Variants in RFX2 observed in about 807,000 individuals in gnomAD.
RFX2 encodes the protein DNA-binding protein RFX2.
Under a neutral mutation model 87.8 loss-of-function variants are expected in RFX2, and 20 were observed. That is an observed-to-expected ratio of 0.23 (90% CI 0.16 to 0.33). RFX2 has a LOEUF of 0.33. Ranked by LOEUF, RFX2 falls within the 10% of genes least tolerant of loss-of-function variation. RFX2 has a pLI of 1.00. For synonymous variants in RFX2, 397 were observed against 431.3 expected, an observed-to-expected ratio of 0.92 and a Z score of 0.98; for missense variants, 767 against 1,012.3, an observed-to-expected ratio of 0.76 and a Z score of 3.29.
chr19:6,107,804 A>T (rs1243317508), intron 1 of RFX2, among the ~76,000 whole-genome samples: 2 of 152,196 alleles, frequency 1.3e-5, no homozygotes, highest in African/African-American at 4.8e-5. Context: ...TGGTGGACAG[A>T]ACCATCCTTA....
chr19:6,064,430 T>C lies in RFX2; in HGVS notation c.-8-16926A>G, dbSNP rs1320314062. On this transcript the variant is annotated intron_variant, in intron 1 of 17. Transcript: ENST00000303657. The surrounding 1 kb of genome is among the most constrained non-coding windows in gnomAD (Gnocchi z 4.8). ...GATGGGGAATGTGCCAGTGAAAACC[T>C]GGCATGCGGAGGCCTCACCTCACTC... Among the ~76,000 whole-genome samples, 1 of 152,244 alleles carries C rather than the reference T, an allele frequency of 6.6e-6. No homozygotes were observed. The highest frequency in any genetic ancestry group is 1.5e-5 in the Non-Finnish European group (1 of 68,040).
rs184192788 is a variant in RFX2 at position 6,080,416 on chromosome 19, G to C, written c.-9+29977C>G. Among the ~76,000 whole-genome samples the C allele has an allele frequency of 2.9e-3, 437 of 152,324 alleles. 2 individuals carry two copies. The highest frequency in any genetic ancestry group is 9.8e-3 in the African/African-American group (407 of 41,582). On this transcript the variant is annotated intron_variant, in intron 1 of 17. Transcript: ENST00000303657. ...GGATTCTAAGGTGAGCAGGTCAGAT[G>C]AAAGTGCTGCTCTCAGGGTGCCAGT...
rs1208827298 is a variant in RFX2 at position 6,010,746 on chromosome 19, T to C, written c.900-495A>G. Among the ~76,000 whole-genome samples the C allele has an allele frequency of 6.6e-6, 1 of 152,220 alleles. No individual in the cohort carries two copies. Among genetic ancestry groups the C allele is most frequent in the African/African-American group, 2.4e-5 (1 of 41,460 alleles). On this transcript the variant is annotated intron_variant, in intron 8 of 17. Transcript: ENST00000303657. The surrounding 1 kb of genome is among the most constrained non-coding windows in gnomAD (Gnocchi z 5.0). ...GCTGAATAATATTCCATCATATGGA[T>C]GAACCACAGTTTGTTAATGGACACT...
In RFX2 at chr19:5,994,760, A is replaced by G. The variant is rs1225930326; in HGVS notation, c.*75T>C. Reference sequence around the variant, plus strand: ...CATCTAAGAGGCACTAATTTGGTGGAGCCGGTGAAATCCAGGTTCCCAGAG... The same window carrying G: ...CATCTAAGAGGCACTAATTTGGTGGGGCCGGTGAAATCCAGGTTCCCAGAG... On this transcript the variant is annotated 3_prime_UTR_variant, in exon 18 of 18. Transcript: ENST00000303657. The G allele has an allele frequency of 2.1e-6, 2 of 945,400 alleles. No homozygotes were observed. The highest frequency in any genetic ancestry group is 3.3e-6 in the Non-Finnish European group (2 of 604,730). 58.6% of individuals were successfully genotyped at this position (945,400 alleles called of 1,614,324 possible). A position where few individuals can be genotyped will look rare whatever the true frequency, so the allele number is the denominator to read the frequency against.
At position 5,993,403 on chromosome 19, in the gene RFX2, C is replaced by A. The variant is rs1267496556; in HGVS notation, c.*1432G>T. ...TCTTCCTGCACCCCTCACTCTGGCG[C>A]AGGCCCAGCGATGCTCTGAGCTCCT... On this transcript the variant is annotated 3_prime_UTR_variant, in exon 18 of 18. Coordinates refer to ENST00000303657, the MANE Select transcript of RFX2 (RefSeq NM_000635.4). 1.3e-5 allele frequency: 2 copies of A among 152,232 alleles called. No individual in the cohort carries two copies. The highest frequency in any genetic ancestry group is 2.9e-5 in the Non-Finnish European group (2 of 68,044). 9.4% of individuals were successfully genotyped at this position (152,232 alleles called of 1,614,324 possible).
chr19:6,108,687 A>T (rs1012857586), intron 1 of RFX2, among the ~76,000 whole-genome samples: 47 of 152,276 alleles, frequency 3.1e-4, no homozygotes, highest in African/African-American at 1.1e-3. Flanking sequence ...ACAACACCCC[A>T]AAGTAGGAAT....
intron 1 of RFX2, among the ~76,000 whole-genome samples, chr19:6,065,593 G>A (rs1320673249): frequency 2.0e-5 from 3 of 152,122 alleles, no homozygotes; most frequent in Non-Finnish European, 4.4e-5. Context: ...CTTCCTGGGC[G>A]ACAGAACGAG....
At chr19:6,031,161 G>A (rs937712884) in intron 5 of RFX2, among the ~76,000 whole-genome samples, 7 of 152,038 alleles carry the variant, frequency 4.6e-5, no homozygotes, top group African/African-American at 7.2e-5. Flanking sequence ...ACCTGAGTCC[G>A]AATAATCATA....
At chr19:6,008,546 A>AT (rs1394283625) in intron 9 of RFX2, among the ~76,000 whole-genome samples, 2 of 151,160 alleles carry the variant, frequency 1.3e-5, no homozygotes, top group Non-Finnish European at 2.9e-5. Context: ...TAATTTTTGC[A>AT]TTTTTTAGTA....
chr19:6,106,419 C>T (rs1190633388), intron 1 of RFX2, among the ~76,000 whole-genome samples: 3 of 152,204 alleles, frequency 2.0e-5, no homozygotes, highest in African/African-American at 4.8e-5. Flanking sequence ...CCCCTTACAA[C>T]AATACTGAAA....
Position 6,007,156 on chromosome 19 carries a change from G to C in RFX2, c.1258C>G (p.Pro420Ala), listed in dbSNP as rs1459603072. ...TCCTTGGGCAGGACGGCGCCCTCGG[G>C]GTCTTCGTCACTGTGGAGGGAGGGG... ...PTSLPASDED[P>A]EGAVLPKDKL... The change falls in exon 12 of 18, where the codon CCC (proline) becomes GCC (alanine). Residue 420 changes from proline (P) to alanine (A), a missense_variant. Transcript: ENST00000303657. This position sits in a 1 kb window ranked among gnomAD's most constrained non-coding sequence, Gnocchi z 8.2. 3.1e-6 allele frequency: 5 copies of C among 1,613,684 alleles called. No homozygotes were observed. In the South Asian group the frequency reaches 5.5e-5, roughly 18 times the overall value.
chr19:5,995,462 T>G (rs538503310), intron 17 of RFX2, 139 bp downstream of exon 17: 3 of 826,678 alleles, frequency 3.6e-6, no homozygotes, highest in Non-Finnish European at 6.0e-6. Flanking sequence ...ACTGTCCGGA[T>G]GACAGATCCC....
intron 1 of RFX2, among the ~76,000 whole-genome samples, chr19:6,105,959 G>A (rs561667306): frequency 6.6e-6 from 1 of 152,258 alleles, no homozygotes; most frequent in Non-Finnish European, 1.5e-5. Context: ...CAGGCAGCTG[G>A]ATAGATGTTT....
intron 1 of RFX2, among the ~76,000 whole-genome samples, chr19:6,066,458 TGTACG>T (rs565713859): frequency 0.011 from 1,710 of 152,344 alleles, 33 homozygotes; most frequent in Non-Finnish European, 0.017. Flanking sequence ...TTATCAGTGA[TGTACG>T]GTAGTAGGTT....
intron 1 of RFX2, among the ~76,000 whole-genome samples, chr19:6,072,584 G>T (rs986321757): frequency 6.6e-6 from 1 of 151,798 alleles, no homozygotes; most frequent in African/African-American, 2.4e-5. Context: ...GTGTGCCTGC[G>T]GTCCCAGCTA....
At chr19:6,025,786 T>TC (rs1018244830) in intron 6 of RFX2, among the ~76,000 whole-genome samples, 3 of 142,362 alleles carry the variant, frequency 2.1e-5, no homozygotes, top group African/African-American at 7.6e-5. Context: ...GTCTTCTTCT[T>TC]TTTTTTTTTT....
intron 1 of RFX2, chr19:6,078,066 G>A (rs2087720454): frequency 6.6e-6 from 1 of 151,720 alleles, no homozygotes; most frequent in South Asian, 2.1e-4. Flanking sequence ...TATGTTACGT[G>A]GAAGAAGCCA....
In RFX2 at chr19:6,001,796, G is replaced by C. The variant is rs1207236953; in HGVS notation, c.1859+19C>G. The stretch of plus-strand genomic sequence containing the variant: ...CCCCCCACCCGCCAGAATTCTCTCG[G>C]AGGTCTGGTGGGACTAACCTGTAAA... On this transcript the variant is annotated intron_variant, in intron 15 of 17. Coordinates refer to ENST00000303657, the MANE Select transcript of RFX2 (RefSeq NM_000635.4). The surrounding 1 kb of genome is among the most constrained non-coding windows in gnomAD (Gnocchi z 5.6). 6.4e-7 allele frequency: 1 copy of C among 1,568,828 alleles called. No homozygotes were observed. The highest frequency in any genetic ancestry group is 2.3e-5 in the East Asian group (1 of 44,110).
chr19:6,015,339 G>GA (rs1161990721), intron 7 of RFX2, among the ~76,000 whole-genome samples: 1 of 152,046 alleles, frequency 6.6e-6, no homozygotes, highest in East Asian at 2.0e-4. Context: ...TGAGGCAGGA[G>GA]AATTGGTTGA....
Sources: allele counts gnomAD v4.1 joint callset (sites outside exome capture counted in the v4.1 genomes callset), GRCh38; gene constraint gnomAD v4.1.1; non-coding constraint Gnocchi (gnomAD v3.1); transcripts MANE v1.5; gene names NCBI Gene and HGNC (gene_info 2026-07-23, HGNC 2026-07-21).